The following FANCA variants were observed in gnomAD, a reference collection of about 807,000 sequenced individuals.
FANCA encodes Fanconi anemia group A protein.
FANCA carries 236 observed loss-of-function variants against 194.3 expected under a neutral mutation model. That is an observed-to-expected ratio of 1.21 (90% CI 1.09 to 1.35). FANCA has a LOEUF of 1.35. FANCA is among the 40% of genes most tolerant of loss of function. The pLI is 0.00. For missense variants in FANCA, 2,628 were observed against 1,813.9 expected (o/e 1.45, Z -8.15); for synonymous variants, 1,014 against 715.8 (o/e 1.42, Z -6.65).
At chr16:89,752,516 AATAAAAT>A (rs1425658016) in intron 30 of FANCA, among the ~76,000 whole-genome samples, 1 of 152,268 alleles carries the variant, frequency 6.6e-6, no homozygotes, top group Non-Finnish European at 1.5e-5. Flanking sequence ...GTTCCAGTAT[AATAAAAT>A]ATAAAACAAG....
At chr16:89,778,321 C>T (rs1316914045) in intron 20 of FANCA, 2 of 316,138 alleles carry the variant, frequency 6.3e-6, no homozygotes, top group African/African-American at 2.3e-5. Context: ...CAAAAATTAG[C>T]AGGGCGTGGT....
At chr16:89,788,930 A>C (rs766094576) in intron 14 of FANCA, among the ~76,000 whole-genome samples, 2 of 152,138 alleles carry the variant, frequency 1.3e-5, no homozygotes, top group Non-Finnish European at 2.9e-5. Context: ...AACAAAACCA[A>C]AACACCACCA....
Position 89,775,775 on chromosome 16 carries a change from G to A in FANCA, c.1867C>T (p.Gln623Ter). The A allele has an allele frequency of 6.2e-7, 1 of 1,612,928 alleles. No homozygotes were observed. Among genetic ancestry groups the A allele is most frequent in the Non-Finnish European group, 8.5e-7 (1 of 1,179,494 alleles). Reference sequence around the variant, plus strand: ...TTCTCTTCAGCAGCAGAGCAGGCCTGGCAGTAGGTGGAGTACAGAGATGGG... The same window carrying A: ...TTCTCTTCAGCAGCAGAGCAGGCCTAGCAGTAGGTGGAGTACAGAGATGGG... ...IPPSLYSTYCQACSAAEEKPE... is the reference protein window; with the variant it reads ...IPPSLYSTYC Residue 623 changes from glutamine (Q) to a stop codon, truncating the protein, a stop_gained, in exon 21 of 43, where the codon CAG (glutamine) becomes TAG (stop). Coordinates refer to ENST00000389301, the MANE Select transcript of FANCA (RefSeq NM_000135.4). LOFTEE classifies it high-confidence loss of function.
chr16:89,779,034 G>T, intron 18 of FANCA, 31 bp from the exon 19 acceptor site: 1 of 1,609,056 alleles, frequency 6.2e-7, no homozygotes, highest in South Asian at 1.1e-5. Context: ...CAGTGCATCA[G>T]TCAGAGCAGC....
At position 89,798,370 on chromosome 16, in the gene FANCA, G is replaced by A. The variant is rs555667678; in HGVS notation, c.893+796C>T. ...ATGTAAACATTCAGGAAATCACACA[G>A]TGCTTTATTCACTGTTTCAGTAAAA... is the stretch of plus-strand genomic sequence containing the variant. On this transcript the variant is annotated intron_variant, in intron 10 of 42. Coordinates refer to ENST00000389301, the MANE Select transcript of FANCA (RefSeq NM_000135.4). 1.0e-4 allele frequency: 105 copies of A among 1,044,532 alleles called. No individual in the cohort carries two copies. The African/African-American group carries it at 1.6e-3, about 16-fold the overall frequency. The allele number at this position is 1,044,532 out of a possible 1,614,324, so 64.7% of individuals were successfully genotyped here. A position where few individuals can be genotyped will look rare whatever the true frequency, so the allele number is the denominator to read the frequency against.
intron 8 of FANCA, among the ~76,000 whole-genome samples, chr16:89,801,165 G>A (rs1162529174): frequency 3.3e-5 from 5 of 151,876 alleles, no homozygotes; most frequent in Admixed American, 3.3e-4. Flanking sequence ...CCAACACTGT[G>A]AAAGCCCATC....
At chr16:89,752,669 A>G (rs1372546494) in intron 30 of FANCA, among the ~76,000 whole-genome samples, 1 of 152,232 alleles carries the variant, frequency 6.6e-6, no homozygotes, top group Non-Finnish European at 1.5e-5. Flanking sequence ...AAACCAGGCC[A>G]TACAGAGATA....
intron 30 of FANCA, among the ~76,000 whole-genome samples, chr16:89,755,212 A>ATTT (rs142867944): frequency 7.0e-6 from 1 of 143,746 alleles, no homozygotes; most frequent in Non-Finnish European, 1.5e-5. Flanking sequence ...TCACACAACA[A>ATTT]TTTTTTTTTT....
chr16:89,761,815 G>A (rs1165488625), intron 29 of FANCA, 134 bp downstream of exon 29: 1 of 744,378 alleles, frequency 1.3e-6, no homozygotes, highest in Non-Finnish European at 2.4e-6. Flanking sequence ...TTGTAGAAAT[G>A]GAGTTTCCCC....
In FANCA at chr16:89,761,902, G is replaced by C. The variant is rs1297058303; in HGVS notation, c.2852+47C>G. 2.7e-6 allele frequency: 4 copies of C among 1,460,510 alleles called. No individual in the cohort carries two copies. In the Admixed American group the frequency reaches 6.7e-5, roughly 24 times the overall value. The allele number at this position is 1,460,510 out of a possible 1,614,324, so 90.5% of individuals were successfully genotyped here. A position where few individuals can be genotyped will look rare whatever the true frequency, so the allele number is the denominator to read the frequency against. ...AGCCTCCCAAAGTGCTGGGATTATAGGTGTGAGCCATCATGCCTGGCCAGG... is the reference window on the plus strand; with the variant it reads ...AGCCTCCCAAAGTGCTGGGATTATACGTGTGAGCCATCATGCCTGGCCAGG... On this transcript the variant is annotated intron_variant, in intron 29 of 42. Coordinates refer to ENST00000389301, the MANE Select transcript of FANCA (RefSeq NM_000135.4).
chr16:89,738,052 G>A lies in FANCA; in HGVS notation c.*549C>T. ...CATGACCAAACACAAGGCTGAGACT[G>A]AGCTGGACTTTGCCTGTGACCAGTG... On this transcript the variant is annotated 3_prime_UTR_variant, in exon 43 of 43. Transcript: ENST00000389301. 1.9e-6 allele frequency: 3 copies of A among 1,614,134 alleles called. No homozygotes were observed. The highest frequency in any genetic ancestry group is 2.2e-5 in the East Asian group (1 of 44,880).
chr16:89,791,252 C>G, intron 14 of FANCA, 151 bp downstream of exon 14: 1 of 1,023,710 alleles, frequency 9.8e-7, no homozygotes, highest in South Asian at 1.4e-5. Context: ...CCTCGGCACA[C>G]GCAGAGGAAG....
At chr16:89,798,893 G>C in intron 10 of FANCA, 1 of 1,583,680 alleles carries the variant, frequency 6.3e-7, no homozygotes, top group Non-Finnish European at 8.5e-7. Context: ...CACAGTGAGT[G>C]GGACAAACAT....
intron 20 of FANCA, 69 bp from the exon 21 acceptor site, chr16:89,775,884 A>C: frequency 4.3e-6 from 4 of 940,104 alleles, no homozygotes; most frequent in Non-Finnish European, 6.6e-6. Flanking sequence ...ACAATCCCCA[A>C]ATCTATTATA....
chr16:89,786,245 G>C (rs926984835), intron 14 of FANCA, among the ~76,000 whole-genome samples: 1 of 151,928 alleles, frequency 6.6e-6, no homozygotes, highest in Non-Finnish European at 1.5e-5. Flanking sequence ...GCGCAGTGGC[G>C]TAATCTCGGC....
At chr16:89,760,566 C>T (rs963882944) in intron 29 of FANCA, among the ~76,000 whole-genome samples, 1 of 152,176 alleles carries the variant, frequency 6.6e-6, no homozygotes, top group African/African-American at 2.4e-5. Flanking sequence ...TCCCCTCTCC[C>T]TGACCTCCAC....
chr16:89,808,224 G>T, intron 6 of FANCA, 70 bp downstream of exon 6: 3 of 1,456,170 alleles, frequency 2.1e-6, no homozygotes, highest in South Asian at 2.3e-5. Flanking sequence ...CTGATTCTGG[G>T]CTTTGAAATA....
At chr16:89,753,924 G>A (rs1032123832) in intron 30 of FANCA, among the ~76,000 whole-genome samples, 6 of 152,144 alleles carry the variant, frequency 3.9e-5, no homozygotes, top group Non-Finnish European at 8.8e-5. Flanking sequence ...GCGTGTTAGC[G>A]GACGCCAGTA....
Position 89,738,153 on chromosome 16 carries a change from C to A in FANCA, c.*448G>T, listed in dbSNP as rs951863002. ...TGCACCCGCTGACACAGACCCAGGA[C>A]AAGGCCCTGCCCCTGGAGGCGGAAC... On this transcript the variant is annotated 3_prime_UTR_variant, in exon 43 of 43. Coordinates refer to ENST00000389301, the MANE Select transcript of FANCA (RefSeq NM_000135.4). The A allele has an allele frequency of 1.2e-6, 2 of 1,613,382 alleles. No individual in the cohort carries two copies. Among genetic ancestry groups the A allele is most frequent in the Non-Finnish European group, 1.7e-6 (2 of 1,179,994 alleles).
Sources: allele counts gnomAD v4.1 joint callset (sites outside exome capture counted in the v4.1 genomes callset), GRCh38; gene constraint gnomAD v4.1.1; transcripts MANE v1.5; gene names NCBI Gene and HGNC (gene_info 2026-07-23, HGNC 2026-07-21).